Variants in AFF2 observed in about 807,000 individuals in gnomAD.
The protein encoded by AFF2 is ALF transcription elongation factor 2.
AFF2 carries 14 observed loss-of-function variants against 76.9 expected under a neutral mutation model. The observed-to-expected ratio is 0.18, with a 90% CI of 0.12 to 0.28. The LOEUF (loss-of-function observed/expected upper bound fraction) is 0.28, where lower values mean the gene tolerates loss of function less well. AFF2 is among the 10% of genes least tolerant of loss of function. The pLI is 1.00. For missense variants in AFF2, 868 were observed against 1,001.1 expected (o/e 0.87, Z 1.79); for synonymous variants, 398 against 366.7 (o/e 1.09, Z -0.98).
intron 1 of AFF2, among the ~76,000 whole-genome samples, chrX:148,507,578 T>C (rs2047326827): frequency 8.9e-6 from 1 of 111,796 alleles, no homozygotes; most frequent in South Asian, 3.7e-4. Flanking sequence ...ATGAGAAGGC[T>C]GTTTTTCTAC....
chrX:148,752,233 C>T (rs1603294455), intron 3 of AFF2, among the ~76,000 whole-genome samples: 1 of 110,208 alleles, frequency 9.1e-6, no homozygotes, highest in Middle Eastern at 4.7e-3. Context: ...ATTTTCCCTG[C>T]TAATAATCGA....
chrX:148,597,553 T>C (rs1319403168), intron 1 of AFF2, among the ~76,000 whole-genome samples: 1 of 112,569 alleles, frequency 8.9e-6, no homozygotes, highest in African/African-American at 3.2e-5. Flanking sequence ...GATTTTTTCA[T>C]GATTAATCAA....
At chrX:148,789,137 T>A (rs1304748079) in intron 3 of AFF2, among the ~76,000 whole-genome samples, 2 of 112,426 alleles carry the variant, frequency 1.8e-5, no homozygotes, top group Non-Finnish European at 3.8e-5. Context: ...TTGCTTTAAA[T>A]TGCATCCAAA....
chrX:148,899,938 C>T lies in AFF2; in HGVS notation c.1360-4283C>T, dbSNP rs180939484. On this transcript the variant is annotated intron_variant, in intron 8 of 20. Coordinates refer to ENST00000370460, the MANE Select transcript of AFF2 (RefSeq NM_002025.4). ...TCTTATAACCCCCAAAAGATTCTCA[C>T]ATTTTCTATAAATATATATATATAT... Among the ~76,000 whole-genome samples the T allele has an allele frequency of 4.1e-3, 449 of 110,186 alleles. 1 individual carries two copies. The highest frequency in any genetic ancestry group is 6.6e-3 in the Non-Finnish European group (349 of 52,713).
intron 9 of AFF2, among the ~76,000 whole-genome samples, chrX:148,935,780 G>C (rs1169917755): frequency 2.7e-5 from 3 of 111,258 alleles, no homozygotes; most frequent in Non-Finnish European, 5.7e-5. Flanking sequence ...CAAATATCAA[G>C]AAGACTTCTG....
At chrX:148,848,019 CAGTGAGAA>C (rs1199528039) in intron 7 of AFF2, among the ~76,000 whole-genome samples, 1 of 111,224 alleles carries the variant, frequency 9.0e-6, no homozygotes, top group Non-Finnish European at 1.9e-5. Context: ...TAATGCTCCT[CAGTGAGAA>C]AGTTTGAATG....
chrX:148,644,485 A>G (rs2054123456), intron 1 of AFF2, among the ~76,000 whole-genome samples: 1 of 111,904 alleles, frequency 8.9e-6, no homozygotes, highest in Non-Finnish European at 1.9e-5. Context: ...AGGATTAAAT[A>G]AGATAGTACT....
At chrX:148,943,240 T>C (rs2071861760) in intron 9 of AFF2, among the ~76,000 whole-genome samples, 1 of 112,538 alleles carries the variant, frequency 8.9e-6, no homozygotes, top group South Asian at 3.7e-4. Flanking sequence ...GAAGTAAGAT[T>C]CATTCAGTAA....
At chrX:148,896,694 G>T (rs782214125) in intron 8 of AFF2, among the ~76,000 whole-genome samples, 1 of 111,183 alleles carries the variant, frequency 9.0e-6, no homozygotes, top group Non-Finnish European at 1.9e-5. Flanking sequence ...TTTCCTGAGA[G>T]GCTCCCTTCC....
intron 9 of AFF2, among the ~76,000 whole-genome samples, chrX:148,926,123 C>G (rs2071647916): frequency 9.0e-6 from 1 of 111,401 alleles, no homozygotes; most frequent in Non-Finnish European, 1.9e-5. Context: ...GCCCCCACAC[C>G]CAGCCACGCT....
chrX:148,828,608 G>A (rs1330519198), intron 4 of AFF2, among the ~76,000 whole-genome samples: 1 of 112,186 alleles, frequency 8.9e-6, no homozygotes, highest in Non-Finnish European at 1.9e-5. Flanking sequence ...GTGGCCTGAG[G>A]TTGCTGCTGC....
intron 4 of AFF2, among the ~76,000 whole-genome samples, chrX:148,825,688 G>A (rs1315554321): frequency 1.9e-5 from 2 of 105,597 alleles, no homozygotes; most frequent in African/African-American, 6.8e-5. Flanking sequence ...ACCCTGCCCG[G>A]TTGGTTTTTG....
intron 3 of AFF2, among the ~76,000 whole-genome samples, chrX:148,770,315 C>T (rs1557268019): frequency 9.0e-6 from 1 of 111,680 alleles, no homozygotes; most frequent in East Asian, 2.8e-4. Context: ...AAATCAGCAG[C>T]TCATTCTATA....
At chrX:148,542,518 G>A (rs782342101) in intron 1 of AFF2, among the ~76,000 whole-genome samples, 15 of 111,580 alleles carry the variant, frequency 1.3e-4, no homozygotes, top group African/African-American at 4.2e-4. Flanking sequence ...GTCCAAATGG[G>A]TAAAGGATAC....
rs187565530 is a variant in AFF2 at position 148,771,211 on chromosome X, C to G, written c.1042-38665C>G. Among the ~76,000 whole-genome samples, 698 of 111,942 alleles carry G rather than the reference C, an allele frequency of 6.2e-3. 3 individuals are homozygous for G. The highest frequency in any genetic ancestry group is 9.5e-3 in the Admixed American group (100 of 10,548). On this transcript the variant is annotated intron_variant, in intron 3 of 20. Coordinates refer to ENST00000370460, the MANE Select transcript of AFF2 (RefSeq NM_002025.4). ...TTTTCCTTATTTTCCTATCATAAGC[C>G]TTAGTCGTGAGTGAACTATATGTTG...
In AFF2 at chrX:148,700,422, G is replaced by GTGTT. The variant is rs1362147064; in HGVS notation, c.1041+37657_1041+37658insTTGT. Among the ~76,000 whole-genome samples, 8 of 55,777 alleles carry GTGTT rather than the reference G, an allele frequency of 1.4e-4. No homozygotes were observed. In the East Asian group the frequency reaches 3.4e-3, roughly 23 times the overall value. The allele number at this position is 55,777 out of a possible 115,157, so 48.4% of individuals were successfully genotyped here. On this transcript the variant is annotated intron_variant, in intron 3 of 20. Transcript: ENST00000370460. ...CAAAGGAAGGGAGTACTGTTGAAGT[G>GTGTT]TGTGTGTGTGTGTGTGTGTGTGTGT...
Position 148,588,841 on chromosome X carries a change from G to T in AFF2, c.48-63158G>T, listed in dbSNP as rs60648269. 2.9e-3 allele frequency among the ~76,000 whole-genome samples: 329 copies of T among 111,537 alleles called. 1 individual carries two copies. Among genetic ancestry groups the T allele is most frequent in the African/African-American group, 1.0e-2 (306 of 30,654 alleles). On this transcript the variant is annotated intron_variant, in intron 1 of 20. Coordinates refer to ENST00000370460, the MANE Select transcript of AFF2 (RefSeq NM_002025.4). ...GTGTTTCTATTGTGAGTCGGCGTCAGAACTTGTAGAACCGCAAAAACATAC... is the reference window on the plus strand; with the variant it reads ...GTGTTTCTATTGTGAGTCGGCGTCATAACTTGTAGAACCGCAAAAACATAC...
intron 8 of AFF2, among the ~76,000 whole-genome samples, chrX:148,895,617 G>GGA (rs1216876460): frequency 3.7e-5 from 4 of 106,817 alleles, no homozygotes; most frequent in South Asian, 8.5e-4. Flanking sequence ...GAGGGGGAGG[G>GGA]GAGAGAGAGA....
chrX:148,718,975 C>T, intron 3 of AFF2: 1 of 733,669 alleles, frequency 1.4e-6, no homozygotes, highest in Admixed American at 4.1e-5. Context: ...ATGGAGGAAG[C>T]TAACAAAACA....
Sources: allele counts gnomAD v4.1 joint callset (sites outside exome capture counted in the v4.1 genomes callset), GRCh38; gene constraint gnomAD v4.1.1; transcripts MANE v1.5; gene names NCBI Gene and HGNC (gene_info 2026-07-23, HGNC 2026-07-21).